The following GPR137 variants were observed in gnomAD, a reference collection of about 807,000 sequenced individuals.
The protein encoded by GPR137 is integral membrane protein GPR137.
In GPR137, 20 loss-of-function variants were observed where a neutral mutation model predicts 38.9. That is an observed-to-expected ratio of 0.51 (90% CI 0.36 to 0.75). The LOEUF (loss-of-function observed/expected upper bound fraction) is 0.75. Ranked by LOEUF, GPR137 falls within the 30% of genes least tolerant of loss-of-function variation. GPR137 has a pLI of 0.00. For synonymous variants in GPR137, 226 were observed against 235.8 expected, an observed-to-expected ratio of 0.96 and a Z score of 0.38; for missense variants, 456 against 526.4, an observed-to-expected ratio of 0.87 and a Z score of 1.31.
At position 64,286,582 on chromosome 11, in the gene GPR137, C is replaced by A; in HGVS notation, c.58C>A (p.Pro20Thr). ...PAAGLVPALP[P>T]AVTLGLTAAY... ...TGCCGGGCTGGTGCCTGCGCTGCCA[C>A]CTGCTGTGACCCTGGGGCTGACAGC... Residue 20 changes from proline to threonine, a missense_variant, in exon 1 of 7, where the codon CCT becomes ACT. Physicochemically the swap from Pro to Thr is conservative, Grantham distance 38. Transcript: ENST00000438980. The A allele has an allele frequency of 6.2e-7, 1 of 1,613,874 alleles. No homozygotes were observed. Among genetic ancestry groups the A allele is most frequent in the South Asian group, 1.1e-5 (1 of 91,080 alleles).
chr11:64,282,541 C>T (rs558850521), upstream of GPR137, among the ~76,000 whole-genome samples: 1 of 149,666 alleles, frequency 6.7e-6, no homozygotes, highest in East Asian at 2.0e-4. Flanking sequence ...TTGAGGCCTG[C>T]CTGGGCAACA....
At position 64,286,481 on chromosome 11, in the gene GPR137, G is replaced by T; in HGVS notation, c.-44G>T. 1.3e-6 allele frequency: 2 copies of T among 1,571,906 alleles called. No individual in the cohort carries two copies. The highest frequency in any genetic ancestry group is 1.2e-5 in the South Asian group (1 of 84,920). On this transcript the variant is annotated 5_prime_UTR_variant, in exon 1 of 7. Coordinates refer to ENST00000438980, the MANE Select transcript of GPR137 (RefSeq NM_001170880.2). ...ATTTATTTCCCTGGTCCCGCCGACA[G>T]TCCCTCCTTGTCTGTCTCCGGGATT...
chr11:64,276,054 T>G (rs1191933097), intron 1 of GPR137, among the ~76,000 whole-genome samples: 1 of 152,158 alleles, frequency 6.6e-6, no homozygotes, highest in Non-Finnish European at 1.5e-5. Flanking sequence ...TTAGCTGTCA[T>G]GCCCCAGGCT....
At chr11:64,271,748 CT>C, upstream of GPR137, 1 of 1,451,612 alleles carries the variant, frequency 6.9e-7, no homozygotes, top group Non-Finnish European at 9.1e-7. Context: ...CTTCGTCGTC[CT>C]CCGTCCCCGC....
chr11:64,289,026 C>T lies in GPR137; in HGVS notation c.1032-11C>T. 2.6e-6 allele frequency: 4 copies of T among 1,534,160 alleles called. No individual in the cohort carries two copies. Among genetic ancestry groups the T allele is most frequent in the Non-Finnish European group, 3.5e-6 (4 of 1,143,720 alleles). ...CACTGTCCTGAGACTGACCCTGTTT[C>T]TCTGCTGCAGTATGTCGGGCAGTCT... On this transcript the variant is annotated splice_polypyrimidine_tract_variant and intron_variant, in intron 6 of 6. Transcript: ENST00000438980.
upstream of GPR137, chr11:64,272,727 T>G (rs1398350507): frequency 6.6e-6 from 1 of 152,276 alleles, no homozygotes; most frequent in African/African-American, 2.4e-5. Flanking sequence ...GCCCAGTTTC[T>G]GTGAAGCTGT....
rs1352747509 is a variant in GPR137 at position 64,285,870 on chromosome 11, C to T, written c.-655C>T. 3.1e-6 allele frequency: 3 copies of T among 981,274 alleles called. No individual in the cohort carries two copies. The highest frequency in any genetic ancestry group is 3.6e-6 in the Non-Finnish European group (3 of 826,348). 60.8% of individuals were successfully genotyped at this position (981,274 alleles called of 1,614,324 possible). A position where few individuals can be genotyped will look rare whatever the true frequency, so the allele number is the denominator to read the frequency against. On this transcript the variant is annotated 5_prime_UTR_variant, in exon 1 of 7. Coordinates refer to ENST00000438980, the MANE Select transcript of GPR137 (RefSeq NM_001170880.2). The stretch of plus-strand genomic sequence containing the variant: ...GGCGGAGCAGCGGGAGCCGGGGAGC[C>T]GGAGCCCCGGGTCCCCACGACCTGA...
Position 64,287,751 on chromosome 11 carries a change from C to G in GPR137, c.438C>G (p.Ala146=). The G allele has an allele frequency of 6.2e-7, 1 of 1,606,188 alleles. No homozygotes were observed. The highest frequency in any genetic ancestry group is 1.1e-5 in the South Asian group (1 of 91,080). The part of the protein sequence containing the change: ...LLAVRGAFVG[A]SLLFLLVNVL... ...CTGTCCGAGGGGCCTTTGTGGGGGC[C>G]TCGCTGCTCTTTCTGCTGGTGAACG... Residue 146 remains alanine (A), a synonymous_variant, in exon 3 of 7, where the codon GCC becomes GCG. Transcript: ENST00000438980.
chr11:64,289,252 C>A lies in GPR137; in HGVS notation c.*56C>A. The A allele has an allele frequency of 1.2e-5, 19 of 1,613,398 alleles. No homozygotes were observed. The highest frequency in any genetic ancestry group is 1.6e-5 in the Non-Finnish European group (19 of 1,179,738). The stretch of plus-strand genomic sequence containing the variant: ...CCCCAGTCCCCCTCACCCTAGGCCC[C>A]TGTGCCAAGTTTGTCTGCCGCTTCT... On this transcript the variant is annotated 3_prime_UTR_variant, in exon 7 of 7. Coordinates refer to ENST00000438980, the MANE Select transcript of GPR137 (RefSeq NM_001170880.2).
upstream of GPR137, among the ~76,000 whole-genome samples, chr11:64,279,344 T>G (rs1290320450): frequency 1.3e-5 from 2 of 152,028 alleles, no homozygotes; most frequent in Non-Finnish European, 2.9e-5. Flanking sequence ...CATCTACCAT[T>G]CCTTCCTTTG....
At chr11:64,273,016 A>C (rs1391301418), upstream of GPR137, among the ~76,000 whole-genome samples, 3 of 152,134 alleles carry the variant, frequency 2.0e-5, no homozygotes, top group Non-Finnish European at 4.4e-5. Context: ...GCTTGAGTTC[A>C]GGAGTTCGAG....
upstream of GPR137, among the ~76,000 whole-genome samples, chr11:64,280,181 A>C (rs188234250): frequency 2.7e-5 from 4 of 150,750 alleles, no homozygotes; most frequent in Non-Finnish European, 4.4e-5. Flanking sequence ...TTAGCTGGGC[A>C]TGGTGGCGGG....
At chr11:64,284,826 C>T (rs979318645), upstream of GPR137, 10 of 1,521,884 alleles carry the variant, frequency 6.6e-6, no homozygotes, top group African/African-American at 1.4e-5. Context: ...CAAGGCTCCT[C>T]GTCCGCATCC....
intron 2 of GPR137, chr11:64,287,271 G>T (rs1432143930): frequency 2.0e-6 from 2 of 985,432 alleles, no homozygotes; most frequent in South Asian, 9.4e-5. Context: ...GGGCGAGCTG[G>T]AGGCTCCAGC....
upstream of GPR137, chr11:64,271,717 G>A (rs2032628673): frequency 1.4e-6 from 2 of 1,460,458 alleles, no homozygotes; most frequent in Middle Eastern, 1.8e-4. Flanking sequence ...CCCCGAAAGG[G>A]GCTGGGCTCC....
At chr11:64,282,011 G>A (rs889575512), upstream of GPR137, among the ~76,000 whole-genome samples, 2 of 152,170 alleles carry the variant, frequency 1.3e-5, no homozygotes, top group African/African-American at 4.8e-5. Flanking sequence ...GAGCCACCGC[G>A]CCCGGCCTCT....
chr11:64,276,298 T>TTGTGTGTGTTTGTG (rs55795317), intron 1 of GPR137: 1 of 146,068 alleles, frequency 6.8e-6, no homozygotes, highest in Non-Finnish European at 1.5e-5. Flanking sequence ...GTGTATATAT[T>TTGTGTGTGTTTGTG]TGTGTGTGTG....
upstream of GPR137, among the ~76,000 whole-genome samples, chr11:64,274,769 C>T (rs553333655): frequency 1.3e-5 from 2 of 150,120 alleles, no homozygotes; most frequent in South Asian, 2.1e-4. Context: ...TGCAGTGAGC[C>T]GAGATTGCAC....
upstream of GPR137, chr11:64,285,412 G>A (rs894872882): frequency 2.0e-5 from 20 of 984,640 alleles, no homozygotes; most frequent in Non-Finnish European, 2.4e-5. Context: ...CCGGGGCGAG[G>A]GGCGGGCCCG....
Sources: allele counts gnomAD v4.1 joint callset (sites outside exome capture counted in the v4.1 genomes callset), GRCh38; gene constraint gnomAD v4.1.1; transcripts MANE v1.5; gene names NCBI Gene and HGNC (gene_info 2026-07-23, HGNC 2026-07-21).